Variants in FGGY observed in about 807,000 individuals in gnomAD.
FGGY encodes FGGY carbohydrate kinase domain-containing protein.
Under a neutral mutation model 71.3 loss-of-function variants are expected in FGGY, and 72 were observed. The observed-to-expected ratio is 1.01, with a 90% confidence interval of 0.84 to 1.23. FGGY has a LOEUF of 1.23. Among genes scored for constraint, FGGY ranks in the 50% most tolerant of loss-of-function variants. FGGY has a pLI of 0.00. For missense variants in FGGY, 668 were observed against 682.3 expected, an observed-to-expected ratio of 0.98 and a Z score of 0.23; for synonymous variants, 251 against 250.3, an observed-to-expected ratio of 1.00 and a Z score of -0.02.
intron 6 of FGGY, among the ~76,000 whole-genome samples, chr1:59,485,383 A>G (rs540317410): frequency 6.6e-6 from 1 of 152,270 alleles, no homozygotes; most frequent in East Asian, 1.9e-4. Context: ...TAAGGAGATC[A>G]GGCAGTGGCC....
intron 1 of FGGY, among the ~76,000 whole-genome samples, chr1:59,320,101 G>C (rs2046129216): frequency 6.6e-6 from 1 of 152,294 alleles, no homozygotes; most frequent in East Asian, 1.9e-4. Flanking sequence ...GTCTGATGAA[G>C]CTCCTATGAA....
chr1:59,631,937 T>C (rs887701332), intron 10 of FGGY, among the ~76,000 whole-genome samples: 5 of 152,218 alleles, frequency 3.3e-5, no homozygotes, highest in African/African-American at 7.2e-5. Flanking sequence ...TAAACTTGAT[T>C]CTCTTAGAGG....
intron 6 of FGGY, among the ~76,000 whole-genome samples, chr1:59,493,130 C>CACACACACACACACACACAA (rs3220800): frequency 6.7e-6 from 1 of 150,274 alleles, no homozygotes; most frequent in Non-Finnish European, 1.5e-5. Context: ...CACACACACA[C>CACACACACACACACACACAA]AAAACAGAAA....
intron 14 of FGGY, among the ~76,000 whole-genome samples, chr1:59,715,817 A>G (rs1558886355): frequency 6.6e-6 from 1 of 152,200 alleles, no homozygotes; most frequent in Non-Finnish European, 1.5e-5. Flanking sequence ...TAGATTCTAT[A>G]TTGGAGATTG....
At chr1:59,359,787 C>G (rs2055065879) in intron 4 of FGGY, among the ~76,000 whole-genome samples, 1 of 152,164 alleles carries the variant, frequency 6.6e-6, no homozygotes, top group East Asian at 1.9e-4. Flanking sequence ...CATACCTGCA[C>G]CCTCTTGAAA....
chr1:59,536,081 T>G (rs1056669219), intron 7 of FGGY, among the ~76,000 whole-genome samples: 7 of 151,318 alleles, frequency 4.6e-5, no homozygotes, highest in Admixed American at 2.6e-4. Flanking sequence ...TTGATAGACC[T>G]CTAGCAAGAG....
intron 8 of FGGY, among the ~76,000 whole-genome samples, chr1:59,571,552 C>G (rs901712722): frequency 6.6e-6 from 1 of 152,218 alleles, no homozygotes; most frequent in Non-Finnish European, 1.5e-5. Flanking sequence ...TTTGACTGTG[C>G]ACATGCCCTG....
intron 9 of FGGY, among the ~76,000 whole-genome samples, chr1:59,624,997 C>T (rs559631963): frequency 6.6e-6 from 1 of 152,272 alleles, no homozygotes; most frequent in South Asian, 2.1e-4. Context: ...AGAACCCAAC[C>T]CTGGCCTCTG....
At position 59,325,267 on chromosome 1, in the gene FGGY, G is replaced by A. The variant is rs928731959; in HGVS notation, c.201+3517G>A. Among the ~76,000 whole-genome samples, 3 of 152,178 alleles carry A rather than the reference G, an allele frequency of 2.0e-5. No individual in the cohort carries two copies. The East Asian group carries it at 5.8e-4, about 29-fold the overall frequency. ...AGCTACTTGGGAGGCTGAGGCAGGA[G>A]AATGGCGTGAACCTGGGAGGCGGAG... On this transcript the variant is annotated intron_variant, in intron 2 of 15. Transcript: ENST00000303721.
intron 14 of FGGY, among the ~76,000 whole-genome samples, chr1:59,680,488 G>GA (rs536358649): frequency 0.056 from 4,358 of 77,824 alleles, 105 homozygotes; most frequent in African/African-American, 0.1. Context: ...GACCCCTCCA[G>GA]AAAAAAAAAA....
intron 8 of FGGY, among the ~76,000 whole-genome samples, chr1:59,564,225 A>ACTC (rs1313369659): frequency 3.3e-5 from 5 of 152,332 alleles, no homozygotes; most frequent in African/African-American, 1.2e-4. Context: ...CTGCACAGTC[A>ACTC]AAAAAGCTGT....
intron 5 of FGGY, among the ~76,000 whole-genome samples, chr1:59,416,777 C>T (rs1262427701): frequency 6.6e-6 from 1 of 152,214 alleles, no homozygotes; most frequent in Non-Finnish European, 1.5e-5. Flanking sequence ...GGAGCAAAAC[C>T]TTTCCCAGGA....
intron 5 of FGGY, among the ~76,000 whole-genome samples, chr1:59,436,342 C>A (rs151015835): frequency 2.0e-5 from 3 of 152,092 alleles, no homozygotes; most frequent in Non-Finnish European, 2.9e-5. Flanking sequence ...CTTCAGTCCT[C>A]CTCCCCCCGC....
chr1:59,674,038 G>C lies in FGGY; in HGVS notation c.1418-1G>C. 6.2e-7 allele frequency: 1 copy of C among 1,613,218 alleles called. No individual in the cohort carries two copies. The highest frequency in any genetic ancestry group is 8.5e-7 in the Non-Finnish European group (1 of 1,179,606). ...CCAAGGTGTGGCCTTGTCCTGCGCA[G>C]GCATGCCTGTGGTCCTGTCGCAAGA... On this transcript the variant is annotated splice_acceptor_variant, in intron 13 of 15. Transcript: ENST00000303721. LOFTEE classifies it high-confidence loss of function.
intron 5 of FGGY, among the ~76,000 whole-genome samples, chr1:59,398,161 G>A (rs2061539867): frequency 1.3e-5 from 2 of 152,072 alleles, no homozygotes; most frequent in African/African-American, 2.4e-5. Flanking sequence ...GGTTGCACAT[G>A]TTTTAGCCAC....
Position 59,762,582 on chromosome 1 carries a change from T to C in FGGY, c.1654T>C (p.Ter552ArgextTer28), listed in dbSNP as rs201875327. 9.8e-5 allele frequency: 158 copies of C among 1,613,292 alleles called. 1 individual carries two copies. In the East Asian group the frequency reaches 3.5e-3, roughly 36 times the overall value. Residue 552 changes from the stop codon to arginine, a stop_lost, in exon 16 of 16, where the codon TGA (stop) becomes CGA (arginine). Transcript: ENST00000303721. Reference protein sequence around the residue: ...KEYLAIMNDD* With the variant: ...KEYLAIMNDDR ...GTATTTGGCGATCATGAATGATGAC[T>C]GAACAGGGCTTGCAGGTGCTGATGC...
intron 3 of FGGY, among the ~76,000 whole-genome samples, chr1:59,343,146 T>C (rs889897397): frequency 6.6e-6 from 1 of 152,178 alleles, no homozygotes; most frequent in Non-Finnish European, 1.5e-5. Context: ...ACCTAATGTT[T>C]AGATTTTTTT....
At position 59,638,370 on chromosome 1, in the gene FGGY, G is replaced by A; in HGVS notation, c.1216G>A (p.Gly406Ser). ...TCCCTTAGCAGATCTGACACTAAAG[G>A]GCATGGTAAGTAACAGCTAGTCCTT... is the stretch of plus-strand genomic sequence containing the variant. ...RSPLADLTLK[G>S]MVTGLKLSQD... is the part of the protein sequence containing the mutation. Residue 406 changes from glycine to serine, a missense_variant, in exon 11 of 16, where the codon GGC becomes AGC. Gly to Ser is a moderately conservative substitution (Grantham distance 56, BLOSUM62 0). This residue lies in a region of FGGY where 661 missense variants were observed against 661.6 expected (regional missense o/e 1.00). Coordinates refer to ENST00000303721, the MANE Select transcript of FGGY (RefSeq NM_018291.5). 1.2e-6 allele frequency: 2 copies of A among 1,614,176 alleles called. No individual in the cohort carries two copies. Among genetic ancestry groups the A allele is most frequent in the Non-Finnish European group, 1.7e-6 (2 of 1,180,032 alleles).
intron 12 of FGGY, among the ~76,000 whole-genome samples, chr1:59,664,263 A>G (rs2097303538): frequency 6.6e-6 from 1 of 152,206 alleles, no homozygotes; most frequent in African/African-American, 2.4e-5. Context: ...TTTCACACAA[A>G]GCCCTTTGGT....
Sources: allele counts gnomAD v4.1 joint callset (sites outside exome capture counted in the v4.1 genomes callset), GRCh38; gene constraint gnomAD v4.1.1; regional missense constraint gnomAD v4.1.1; transcripts MANE v1.5; gene names NCBI Gene and HGNC (gene_info 2026-07-23, HGNC 2026-07-21).